Variants in LRRC7 observed in about 807,000 individuals in gnomAD.
The protein encoded by LRRC7 is leucine-rich repeat-containing protein 7.
In LRRC7, 23 loss-of-function variants were observed where a neutral mutation model predicts 175.7. The observed-to-expected ratio is 0.13, with a 90% CI of 0.09 to 0.19. The LOEUF (loss-of-function observed/expected upper bound fraction) is 0.19, where lower values mean the gene tolerates loss of function less well. LRRC7 is among the 10% of genes least tolerant of loss of function. The probability of loss-of-function intolerance (pLI) is 1.00; values close to 1 mark genes in which losing one functional copy is unlikely to be tolerated. For synonymous variants in LRRC7, 685 were observed against 680.9 expected (o/e 1.01, Z -0.09); for missense variants, 1,354 against 1,904.7 (o/e 0.71, Z 5.38).
At chr1:69,878,458 C>T (rs998639555) in intron 7 of LRRC7, among the ~76,000 whole-genome samples, 4 of 152,000 alleles carry the variant, frequency 2.6e-5, no homozygotes, top group African/African-American at 7.2e-5. Context: ...AGAGAATGCA[C>T]GACTGATTTA....
In LRRC7 at chr1:69,585,767, T is replaced by G. The variant is rs1646379597; in HGVS notation, c.2+17126T>G. On this transcript the variant is annotated intron_variant, in intron 1 of 26. Coordinates refer to ENST00000651989, the MANE Select transcript of LRRC7 (RefSeq NM_001370785.2). ...GATAAAACACTTGCATCCTTTTAAA[T>G]GAAGGCCACGGACCCTGTCAGAATG... 2.0e-5 allele frequency among the ~76,000 whole-genome samples: 3 copies of G among 152,198 alleles called. No individual in the cohort carries two copies. The South Asian group carries it at 6.2e-4, about 31-fold the overall frequency.
intron 25 of LRRC7, among the ~76,000 whole-genome samples, chr1:70,093,689 G>C (rs529224339): frequency 1.3e-5 from 2 of 152,152 alleles, no homozygotes; most frequent in African/African-American, 4.8e-5. Context: ...GTTGAACCTA[G>C]ATAATTAGGA....
At chr1:69,682,549 A>G (rs1052600114) in intron 2 of LRRC7, among the ~76,000 whole-genome samples, 1 of 152,132 alleles carries the variant, frequency 6.6e-6, no homozygotes, top group African/African-American at 2.4e-5. Flanking sequence ...TAATATTACT[A>G]TCCCTCCAAA....
In LRRC7 at chr1:70,048,750, C is replaced by T. The variant is rs1279476878; in HGVS notation, c.4111-4276C>T. ...TTAGTTAGCTGAGTTTAATGAATGC[C>T]AGTAATTATCTTGTGCTTTTTCAGA... is the stretch of plus-strand genomic sequence containing the variant. On this transcript the variant is annotated intron_variant, in intron 22 of 26. Transcript: ENST00000651989. Among the ~76,000 whole-genome samples the T allele has an allele frequency of 1.3e-5, 2 of 152,060 alleles. 1 individual carries two copies. The highest frequency in any genetic ancestry group is 2.9e-5 in the Non-Finnish European group (2 of 68,000).
intron 25 of LRRC7, among the ~76,000 whole-genome samples, chr1:70,101,257 C>A (rs1367866082): frequency 6.6e-6 from 1 of 152,114 alleles, no homozygotes; most frequent in Non-Finnish European, 1.5e-5. Context: ...GCATAAAATG[C>A]TATATGCTAT....
chr1:69,647,824 C>A (rs937047324), intron 1 of LRRC7, among the ~76,000 whole-genome samples: 1 of 151,952 alleles, frequency 6.6e-6, no homozygotes, highest in African/African-American at 2.4e-5. Flanking sequence ...ATGATTTTTT[C>A]AATTGATATA....
chr1:69,936,637 G>A (rs1356307682), intron 8 of LRRC7, among the ~76,000 whole-genome samples: 1 of 152,038 alleles, frequency 6.6e-6, no homozygotes, highest in East Asian at 1.9e-4. Context: ...CATGTCACTG[G>A]GGTTTGGTGT....
chr1:69,945,484 G>C (rs1176230593), intron 8 of LRRC7, among the ~76,000 whole-genome samples: 2 of 151,984 alleles, frequency 1.3e-5, no homozygotes, highest in African/African-American at 4.8e-5. Context: ...TTGTCTATTT[G>C]TGAACTTTTG....
rs77169680 is a variant in LRRC7 at position 70,127,902 on chromosome 1, C to T, written c.*6015C>T. 6.3e-3 allele frequency among the ~76,000 whole-genome samples: 953 copies of T among 152,198 alleles called. 77 individuals are homozygous for T. In the East Asian group the frequency reaches 0.15, roughly 25 times the overall value. On this transcript the variant is annotated 3_prime_UTR_variant, in exon 27 of 27. Coordinates refer to ENST00000651989, the MANE Select transcript of LRRC7 (RefSeq NM_001370785.2). Reference sequence around the variant, plus strand: ...AATTTCCACAGGTGAGATTTTGAAACCTGGCATAATTTTCTCTTCTCCTTT... The same window carrying T: ...AATTTCCACAGGTGAGATTTTGAAATCTGGCATAATTTTCTCTTCTCCTTT...
intron 1 of LRRC7, among the ~76,000 whole-genome samples, chr1:69,670,638 C>G (rs542133490): frequency 6.6e-6 from 1 of 152,294 alleles, no homozygotes; most frequent in African/African-American, 2.4e-5. Flanking sequence ...GAGGTCCCAT[C>G]TGGGAGCCAG....
intron 3 of LRRC7, among the ~76,000 whole-genome samples, chr1:69,777,805 T>G (rs1418823787): frequency 6.6e-6 from 1 of 152,230 alleles, no homozygotes; most frequent in African/African-American, 2.4e-5. Flanking sequence ...CACAGCTGAC[T>G]AATGGAATAG....
intron 1 of LRRC7, among the ~76,000 whole-genome samples, chr1:69,596,692 T>G (rs1430850111): frequency 6.6e-6 from 1 of 152,252 alleles, no homozygotes; most frequent in Non-Finnish European, 1.5e-5. Flanking sequence ...CTAAATCACT[T>G]GTCTTCTCCT....
chr1:69,834,634 C>A, intron 5 of LRRC7, 146 bp from the exon 6 acceptor site: 1 of 708,482 alleles, frequency 1.4e-6, no homozygotes, highest in Non-Finnish European at 2.4e-6. Flanking sequence ...ACAACATGCT[C>A]AATAAATTCT....
intron 7 of LRRC7, among the ~76,000 whole-genome samples, chr1:69,917,296 C>T (rs891290689): frequency 6.6e-6 from 1 of 152,124 alleles, no homozygotes; most frequent in African/African-American, 2.4e-5. Flanking sequence ...ATCATATCTT[C>T]AGGTTCAGCT....
rs946346261 is a variant in LRRC7, at chr1:70,131,139, A to T, written c.*9252A>T. On this transcript the variant is annotated 3_prime_UTR_variant, in exon 27 of 27. Coordinates refer to ENST00000651989, the MANE Select transcript of LRRC7 (RefSeq NM_001370785.2). ...CAGAAAAAAAATCAGGGTTACCTTGACAAAACCATGTTACCCCTCCCAAAC... is the reference window on the plus strand; with the variant it reads ...CAGAAAAAAAATCAGGGTTACCTTGTCAAAACCATGTTACCCCTCCCAAAC... Among the ~76,000 whole-genome samples, 1 of 152,232 alleles carries T rather than the reference A, an allele frequency of 6.6e-6. No individual in the cohort carries two copies. Among genetic ancestry groups the T allele is most frequent in the Non-Finnish European group, 1.5e-5 (1 of 68,032 alleles).
At chr1:69,848,549 AAAC>A (rs1460152486) in intron 7 of LRRC7, among the ~76,000 whole-genome samples, 3 of 152,250 alleles carry the variant, frequency 2.0e-5, no homozygotes, top group African/African-American at 7.2e-5. Context: ...CTTCATGCAT[AAAC>A]AACAAACTAC....
chr1:69,839,674 A>G (rs1468342153), intron 7 of LRRC7, among the ~76,000 whole-genome samples: 1 of 152,134 alleles, frequency 6.6e-6, no homozygotes, highest in Admixed American at 6.6e-5. Flanking sequence ...ATATACATTT[A>G]GGTCAAGGAA....
At chr1:69,572,628 T>C (rs981362901) in intron 1 of LRRC7, among the ~76,000 whole-genome samples, 10 of 152,138 alleles carry the variant, frequency 6.6e-5, no homozygotes, top group Non-Finnish European at 2.9e-5. Flanking sequence ...CTGTAGAGTA[T>C]TACCCTGAGA....
At chr1:69,642,593 C>T (rs1410475943) in intron 1 of LRRC7, among the ~76,000 whole-genome samples, 2 of 151,964 alleles carry the variant, frequency 1.3e-5, no homozygotes, top group African/African-American at 4.8e-5. Flanking sequence ...CTCTCAAACA[C>T]ACTCAATAAT....
Sources: gnomAD v4.1 joint callset for allele counts (sites outside exome capture counted in the v4.1 genomes callset) on GRCh38, gnomAD v4.1.1 for gene constraint, MANE v1.5 for transcripts, NCBI Gene and HGNC (gene_info 2026-07-23, HGNC 2026-07-21) for gene names.